The following MARCHF1 variants were observed in gnomAD, a reference collection of about 807,000 sequenced individuals.
MARCHF1 encodes membrane associated ring-CH-type finger 1.
A neutral mutation model predicts 54.2 loss-of-function variants in MARCHF1; 40 were observed. The ratio of observed to expected loss-of-function variants is 0.74; its 90% CI spans 0.57 to 0.96. MARCHF1 has a LOEUF of 0.96. Among genes scored for constraint, MARCHF1 ranks in the 40% least tolerant of loss-of-function variants. MARCHF1 has a pLI of 0.00. For synonymous variants in MARCHF1, 236 were observed against 236.3 expected (o/e 1.00, Z 0.01); for missense variants, 586 against 656.5 (o/e 0.89, Z 1.17).
chr4:163,945,437 A>G (rs545670400), intron 3 of MARCHF1, among the ~76,000 whole-genome samples: 45 of 152,312 alleles, frequency 3.0e-4, no homozygotes, highest in African/African-American at 7.7e-4. Flanking sequence ...CTGCAAGTAG[A>G]GTAATTTTGA....
intron 1 of MARCHF1, among the ~76,000 whole-genome samples, chr4:164,375,502 CTAACTT>C (rs1731162725): frequency 6.6e-6 from 1 of 152,130 alleles, no homozygotes; most frequent in African/African-American, 2.4e-5. Flanking sequence ...TAGAAGTTCT[CTAACTT>C]TAAATGATAA....
chr4:163,783,885 G>C lies in MARCHF1; in HGVS notation c.111+70136C>G, dbSNP rs371068121. On this transcript the variant is annotated intron_variant, in intron 4 of 9. Transcript: ENST00000514618. ...CCAGCTATTTCTCCTAGAACTATAG[G>C]CTTGGTTGGCACTTGCTATGTCTTT... Among the ~76,000 whole-genome samples the C allele has an allele frequency of 3.2e-4, 48 of 152,148 alleles. 1 individual carries two copies. The South Asian group carries it at 7.5e-3, about 24-fold the overall frequency.
rs1744791606 is a variant in MARCHF1 at position 163,700,869 on chromosome 4, A to G, written c.112-6T>C. 6 of 1,533,152 alleles carry G rather than the reference A, an allele frequency of 3.9e-6. No individual in the cohort carries two copies. Among genetic ancestry groups the G allele is most frequent in the East Asian group, 2.5e-5 (1 of 40,806 alleles). 95.0% of individuals were successfully genotyped at this position (1,533,152 alleles called of 1,614,324 possible). On this transcript the variant is annotated splice_region_variant and splice_polypyrimidine_tract_variant and intron_variant, in intron 4 of 9. Transcript: ENST00000514618. Reference sequence around the variant, plus strand: ...CGCCCTGGGGATTTTTCATTCTGAAAAATAAAATGGGAAACATTAATTAAA... The same window carrying G: ...CGCCCTGGGGATTTTTCATTCTGAAGAATAAAATGGGAAACATTAATTAAA...
At chr4:164,237,506 T>C (rs1732597849) in intron 1 of MARCHF1, among the ~76,000 whole-genome samples, 1 of 152,038 alleles carries the variant, frequency 6.6e-6, no homozygotes, top group African/African-American at 2.4e-5. Context: ...CCACAACCCA[T>C]AATAAGAAAT....
At chr4:163,892,013 T>A (rs550026357) in intron 3 of MARCHF1, among the ~76,000 whole-genome samples, 66 of 151,960 alleles carry the variant, frequency 4.3e-4, no homozygotes, top group Middle Eastern at 3.4e-3. Flanking sequence ...GATTTTTTTT[T>A]AAAAAAAACA....
intron 4 of MARCHF1, among the ~76,000 whole-genome samples, chr4:163,778,446 T>C (rs1747367253): frequency 6.6e-6 from 1 of 152,220 alleles, no homozygotes; most frequent in Non-Finnish European, 1.5e-5. Flanking sequence ...CATATTGCTA[T>C]ACTGAACAAT....
chr4:163,649,466 C>A (rs965392173), intron 5 of MARCHF1, among the ~76,000 whole-genome samples: 1 of 151,962 alleles, frequency 6.6e-6, no homozygotes, highest in Admixed American at 6.6e-5. Flanking sequence ...AATCTATCAA[C>A]CAGAGATTGA....
chr4:163,851,903 T>G (rs1318890647), intron 4 of MARCHF1, among the ~76,000 whole-genome samples: 2 of 152,148 alleles, frequency 1.3e-5, no homozygotes, highest in African/African-American at 4.8e-5. Flanking sequence ...GCAGTGAACC[T>G]CCAAGGAGAG....
chr4:163,802,506 G>A (rs1748109045), intron 4 of MARCHF1, among the ~76,000 whole-genome samples: 1 of 152,148 alleles, frequency 6.6e-6, no homozygotes, highest in East Asian at 1.9e-4. Flanking sequence ...TTTTAGAAAA[G>A]TAACCATTCC....
At chr4:163,957,042 TTAC>T (rs1478888266) in intron 3 of MARCHF1, among the ~76,000 whole-genome samples, 1 of 152,026 alleles carries the variant, frequency 6.6e-6, no homozygotes. Context: ...ATTAAATTAA[TTAC>T]TATTTTTAAA....
chr4:164,161,787 A>G (rs1192225963), intron 1 of MARCHF1, among the ~76,000 whole-genome samples: 1 of 152,168 alleles, frequency 6.6e-6, no homozygotes, highest in Non-Finnish European at 1.5e-5. Flanking sequence ...GTAAATATGA[A>G]TTAGATACAG....
intron 2 of MARCHF1, among the ~76,000 whole-genome samples, chr4:164,009,799 C>T (rs1381451410): frequency 6.6e-6 from 1 of 151,900 alleles, no homozygotes; most frequent in Non-Finnish European, 1.5e-5. Flanking sequence ...AGGAATATAT[C>T]TCAAAATAAA....
intron 1 of MARCHF1, among the ~76,000 whole-genome samples, chr4:164,336,125 C>T (rs1324483242): frequency 1.3e-5 from 2 of 152,046 alleles, no homozygotes; most frequent in African/African-American, 4.8e-5. Context: ...GAAAAGGAAA[C>T]CTTTCTAACC....
At chr4:163,733,223 ACG>A (rs1491096927) in intron 4 of MARCHF1, among the ~76,000 whole-genome samples, 6 of 19,698 alleles carry the variant, frequency 3.0e-4, no homozygotes, top group Admixed American at 1.1e-3. Flanking sequence ...ATATATATAC[ACG>A]TGTATATATA....
At chr4:163,989,974 T>C (rs1427688951) in intron 2 of MARCHF1, among the ~76,000 whole-genome samples, 1 of 152,216 alleles carries the variant, frequency 6.6e-6, no homozygotes, top group African/African-American at 2.4e-5. Flanking sequence ...CTAGTTGCAA[T>C]TCATCTCTAC....
intron 7 of MARCHF1, among the ~76,000 whole-genome samples, chr4:163,593,283 C>T (rs1740651788): frequency 1.3e-5 from 2 of 152,048 alleles, no homozygotes; most frequent in African/African-American, 2.4e-5. Context: ...GTAAGACTGA[C>T]AAAATTAAAC....
At chr4:164,201,705 G>T (rs1231330830) in intron 1 of MARCHF1, among the ~76,000 whole-genome samples, 1 of 152,148 alleles carries the variant, frequency 6.6e-6, no homozygotes, top group African/African-American at 2.4e-5. Flanking sequence ...ACGGGTACTT[G>T]GTTTGAGCAG....
rs1232296327 is a variant in MARCHF1 at position 163,740,860 on chromosome 4, G to A, written c.112-39997C>T. On this transcript the variant is annotated intron_variant, in intron 4 of 9. Transcript: ENST00000514618. ...CATAGTTCACAAAAGATACATAGTG[G>A]CAACCACAGGAAAGGACATTTTTAT... is the stretch of plus-strand genomic sequence containing the variant. Among the ~76,000 whole-genome samples the A allele has an allele frequency of 4.6e-5, 7 of 152,116 alleles. No homozygotes were observed. The South Asian group carries it at 8.3e-4, about 18-fold the overall frequency.
At chr4:164,086,362 T>C (rs1755191930) in intron 2 of MARCHF1, among the ~76,000 whole-genome samples, 1 of 151,958 alleles carries the variant, frequency 6.6e-6, no homozygotes, top group South Asian at 2.1e-4. Context: ...AGGAAAACTT[T>C]TGTTTCAAAA....
Sources: allele counts gnomAD v4.1 joint callset (sites outside exome capture counted in the v4.1 genomes callset), GRCh38; gene constraint gnomAD v4.1.1; transcripts MANE v1.5; gene names NCBI Gene and HGNC (gene_info 2026-07-23, HGNC 2026-07-21).